Variants in RNF213 observed in about 807,000 individuals in gnomAD.
RNF213 encodes the protein E3 ubiquitin-protein ligase RNF213.
A neutral mutation model predicts 514.4 loss-of-function variants in RNF213; 341 were observed. That is an observed-to-expected ratio of 0.66 (90% CI 0.61 to 0.73). The LOEUF is 0.73. RNF213 is among the 30% of genes least tolerant of loss of function. The probability of loss-of-function intolerance (pLI) is 0.00; values close to 1 mark genes in which losing one functional copy is unlikely to be tolerated. For synonymous variants in RNF213, 2,655 were observed against 2,658.2 expected (o/e 1.00, Z 0.04); for missense variants, 5,767 against 6,615.6 (o/e 0.87, Z 4.45).
chr17:80,346,610 A>T lies in RNF213; in HGVS notation c.8275A>T (p.Ile2759Phe). The T allele has an allele frequency of 6.2e-7, 1 of 1,613,176 alleles. No individual in the cohort carries two copies. Reference protein sequence around the residue: ...KENVFMMVVCIELKIPLFLVG... With the variant: ...KENVFMMVVCFELKIPLFLVG... ...GAACGTCTTCATGATGGTCGTCTGC[A>T]TCGAGCTGAAGATTCCCCTCTTCCT... Residue 2759 changes from isoleucine to phenylalanine, a missense_variant, in exon 29 of 68, where the codon ATC becomes TTC. By Grantham distance (21) the Ile-to-Phe change is conservative (BLOSUM62 0). Around this residue, in one of 13 missense-constraint regions of RNF213, gnomAD observed 105 missense variants for 183.9 expected, o/e 0.57. Transcript: ENST00000582970. This position sits in a 1 kb window ranked among gnomAD's most constrained non-coding sequence, Gnocchi z 8.1.
Position 80,374,588 on chromosome 17 carries a change from A to C in RNF213, c.13073A>C (p.Lys4358Thr). The C allele has an allele frequency of 6.2e-7, 1 of 1,614,054 alleles. No homozygotes were observed. Among genetic ancestry groups the C allele is most frequent in the South Asian group, 1.1e-5 (1 of 91,080 alleles). The change falls in exon 50 of 68, where the codon AAG becomes ACG. Residue 4358 changes from lysine to threonine, a missense_variant and splice_region_variant. This residue lies in a region of RNF213 where 1,245 missense variants were observed against 1,339.0 expected (regional missense o/e 0.93). Transcript: ENST00000582970. ...CKPLGIKTAL[K>T]ACKTPQSQQS... is the part of the protein sequence containing the mutation. ...CCACTGGGCATTAAGACTGCTCTGA[A>C]GGTAGGATGGGCCCGTGGCTTCTCT...
At position 80,369,799 on chromosome 17, in the gene RNF213, A is replaced by G; in HGVS notation, c.12357A>G (p.Pro4119=). ...RHCEHTKSLS[P]FNDVVDKTPV... is the part of the protein sequence containing the mutation. ...GTGAACACACAAAATCTCTCTCTCC[A>G]TTCAATGATGTTGTGGATAAGACTC... The change falls in exon 46 of 68, where the codon CCA becomes CCG. Residue 4119 remains proline, a synonymous_variant. Coordinates refer to ENST00000582970, the MANE Select transcript of RNF213 (RefSeq NM_001256071.3). 6.2e-7 allele frequency: 1 copy of G among 1,614,024 alleles called. No individual in the cohort carries two copies. Among genetic ancestry groups the G allele is most frequent in the Non-Finnish European group, 8.5e-7 (1 of 1,179,922 alleles).
At position 80,385,635 on chromosome 17, in the gene RNF213, CCCCTGTA is replaced by C. The variant is rs753485812; in HGVS notation, c.14539+17_14539+23del. 1 of 1,609,318 alleles carries C rather than the reference CCCCTGTA, an allele frequency of 6.2e-7. No homozygotes were observed. The highest frequency in any genetic ancestry group is 8.5e-7 in the Non-Finnish European group (1 of 1,175,694). On this transcript the variant is annotated intron_variant, in intron 61 of 67. Coordinates refer to ENST00000582970, the MANE Select transcript of RNF213 (RefSeq NM_001256071.3). ...TTGAGACGAACGGTTAGTATCCTGT[CCCCTGTA>C]CCACTAAGCGTTCCAGGAGAGCCTC...
rs1365248828 is a variant in RNF213, at chr17:80,355,669, T to C, written c.10862+1093T>C. 2.3e-3 allele frequency among the ~76,000 whole-genome samples: 47 copies of C among 20,038 alleles called. 6 individuals are homozygous for C. The highest frequency in any genetic ancestry group is 3.0e-3 in the African/African-American group (16 of 5,372). 13.1% of individuals were successfully genotyped at this position (20,038 alleles called of 152,430 possible). ...AGCGGGGTGGACGGGAATGGGGGCT[T>C]ACAGGGGGAAGAAGCGGGGTGACCG... On this transcript the variant is annotated intron_variant, in intron 36 of 67. Coordinates refer to ENST00000582970, the MANE Select transcript of RNF213 (RefSeq NM_001256071.3).
chr17:80,318,698 C>T (rs1182144598), intron 16 of RNF213, among the ~76,000 whole-genome samples: 9 of 152,244 alleles, frequency 5.9e-5, no homozygotes, highest in East Asian at 1.9e-4. Context: ...CTCAGCCTCC[C>T]GAGTAGCTGG....
rs1431951019 is a variant in RNF213 at position 80,381,738 on chromosome 17, G to C, written c.13978+11G>C. On this transcript the variant is annotated intron_variant, in intron 57 of 67. Coordinates refer to ENST00000582970, the MANE Select transcript of RNF213 (RefSeq NM_001256071.3). Reference sequence around the variant, plus strand: ...AGCTCTCTAGCAGAAGTGAGGAAAGGGGCAAGGGCTGGGCGGGGATCACAC... The same window carrying C: ...AGCTCTCTAGCAGAAGTGAGGAAAGCGGCAAGGGCTGGGCGGGGATCACAC... 6.2e-7 allele frequency: 1 copy of C among 1,611,428 alleles called. No individual in the cohort carries two copies. The highest frequency in any genetic ancestry group is 8.5e-7 in the Non-Finnish European group (1 of 1,179,398).
At position 80,383,727 on chromosome 17, in the gene RNF213, G is replaced by C; in HGVS notation, c.14121G>C (p.Lys4707Asn). Residue 4707 changes from lysine to asparagine, a missense_variant, in exon 59 of 68, where the codon AAG (lysine) becomes AAC (asparagine). Physicochemically the swap from Lys to Asn is moderately conservative, Grantham distance 94 (BLOSUM62 0). Transcript: ENST00000582970. Reference protein sequence around the residue: ...PTMNNLISQDKRISSNPVAKI... With the variant: ...PTMNNLISQDNRISSNPVAKI... Reference sequence around the variant, plus strand: ...TGAATAATCTCATCAGCCAAGATAAGCGTATCAGCTCTAACCCTGTGGCCA... The same window carrying C: ...TGAATAATCTCATCAGCCAAGATAACCGTATCAGCTCTAACCCTGTGGCCA... The C allele has an allele frequency of 6.2e-7, 1 of 1,613,830 alleles. No homozygotes were observed. Among genetic ancestry groups the C allele is most frequent in the Middle Eastern group, 1.6e-4 (1 of 6,062 alleles).
rs1229712594 is a variant in RNF213 at position 80,355,598 on chromosome 17, A to G, written c.10862+1022A>G. The stretch of plus-strand genomic sequence containing the variant: ...GGGGTGAGTGGGAATGGGGGCTTAC[A>G]GGGGAAGAAGCGGGGTGAGTGGGAA... On this transcript the variant is annotated intron_variant, in intron 36 of 67. Coordinates refer to ENST00000582970, the MANE Select transcript of RNF213 (RefSeq NM_001256071.3). 5.0e-3 allele frequency among the ~76,000 whole-genome samples: 138 copies of G among 27,500 alleles called. 13 individuals carry two copies. The highest frequency in any genetic ancestry group is 0.01 in the African/African-American group (35 of 3,340). 18.0% of individuals were successfully genotyped at this position (27,500 alleles called of 152,430 possible). A position where few individuals can be genotyped will look rare whatever the true frequency, so the allele number is the denominator to read the frequency against.
intron 20 of RNF213, among the ~76,000 whole-genome samples, chr17:80,330,265 TC>T (rs766148204): frequency 5.9e-5 from 9 of 152,264 alleles, no homozygotes; most frequent in Non-Finnish European, 1.2e-4. Flanking sequence ...TCCTCCAGGT[TC>T]CTTTCACTTG....
chr17:80,269,389 A>G (rs1306361457), intron 2 of RNF213, among the ~76,000 whole-genome samples: 5 of 151,856 alleles, frequency 3.3e-5, no homozygotes, highest in African/African-American at 1.2e-4. Flanking sequence ...CTATCCACCT[A>G]TCCATCTGTC....
rs1180506863 is a variant in RNF213, at chr17:80,381,690, C to T, written c.13941C>T (p.Arg4647=). The T allele has an allele frequency of 6.2e-7, 1 of 1,613,992 alleles. No homozygotes were observed. The highest frequency in any genetic ancestry group is 1.3e-5 in the African/African-American group (1 of 74,940). ...ETIGVVHLVL[R]RLLQEQHQLS... ...TCGGCGTGGTCCACCTCGTCCTGCG[C>T]AGGCTTCTCCAAGAGCAGCACCAGC... is the stretch of plus-strand genomic sequence containing the variant. The change falls in exon 57 of 68, where the codon CGC becomes CGT. Residue 4647 remains arginine (R), a synonymous_variant. Transcript: ENST00000582970.
chr17:80,283,288 A>T (rs2044360919), intron 3 of RNF213, among the ~76,000 whole-genome samples: 1 of 151,808 alleles, frequency 6.6e-6, no homozygotes, highest in South Asian at 2.1e-4. Flanking sequence ...ACACGGGAAG[A>T]GCTGAGGGGG....
At chr17:80,310,234 G>A (rs1395626448) in intron 14 of RNF213, among the ~76,000 whole-genome samples, 1 of 152,080 alleles carries the variant, frequency 6.6e-6, no homozygotes, top group African/African-American at 2.4e-5. Context: ...GTGATGTAAG[G>A]TTTAATGTTT....
At chr17:80,312,750 G>T (rs1044767121) in intron 14 of RNF213, among the ~76,000 whole-genome samples, 2 of 152,182 alleles carry the variant, frequency 1.3e-5, no homozygotes, top group Non-Finnish European at 2.9e-5. Context: ...AGGCTGCCTG[G>T]GCTTTCGGGG....
chr17:80,381,413 A>G, intron 56 of RNF213, 134 bp from the exon 57 acceptor site: 1 of 900,702 alleles, frequency 1.1e-6, no homozygotes, highest in South Asian at 1.3e-5. Context: ...CACCTGGATC[A>G]CTCCGCCGTT....
intron 3 of RNF213, among the ~76,000 whole-genome samples, chr17:80,281,477 C>CACCCAACACACACACACACCCCACTCA (rs1491436625): frequency 1.1e-5 from 1 of 87,402 alleles, no homozygotes; most frequent in Non-Finnish European, 2.6e-5. Context: ...CACTCACACA[C>CACCCAACACACACACACACCCCACTCA]CCCCCAACAT....
chr17:80,274,606 G>C (rs1357590317), intron 3 of RNF213, among the ~76,000 whole-genome samples: 6 of 12,756 alleles, frequency 4.7e-4, no homozygotes, highest in East Asian at 9.8e-4. Flanking sequence ...AGTGGGGTGA[G>C]TGTGGGGGGT....
At chr17:80,351,401 G>C (rs2078506637) in intron 31 of RNF213, among the ~76,000 whole-genome samples, 1 of 152,188 alleles carries the variant, frequency 6.6e-6, no homozygotes, top group Admixed American at 6.5e-5. Context: ...CACAAGATAG[G>C]GTTTCTGGTC....
chr17:80,392,384 G>A (rs1296614853), intron 67 of RNF213, among the ~76,000 whole-genome samples: 1 of 152,108 alleles, frequency 6.6e-6, no homozygotes, highest in Non-Finnish European at 1.5e-5. Context: ...TTTTTGAATG[G>A]TGAGGCCTTG....
Sources: gnomAD v4.1 joint callset for allele counts (sites outside exome capture counted in the v4.1 genomes callset) on GRCh38, gnomAD v4.1.1 for gene constraint, gnomAD v4.1.1 regional missense constraint, Gnocchi (gnomAD v3.1) non-coding constraint, MANE v1.5 for transcripts, NCBI Gene and HGNC (gene_info 2026-07-23, HGNC 2026-07-21) for gene names.